Variants in A4GALT observed in about 807,000 individuals in gnomAD.
A4GALT encodes the protein alpha 1,4-galactosyltransferase (P1PK blood group).
For synonymous variants in A4GALT, 257 were observed against 220.7 expected (o/e 1.16, Z -1.46); for missense variants, 512 against 486.0 (o/e 1.05, Z -0.50).
intron 1 of A4GALT, among the ~76,000 whole-genome samples, chr22:42,707,263 A>T (rs912321809): frequency 1.3e-5 from 2 of 152,222 alleles, no homozygotes; most frequent in African/African-American, 2.4e-5. Context: ...AAAATATTTT[A>T]AAAATTTATG....
chr22:42,700,405 C>T (rs553362600), intron 1 of A4GALT, among the ~76,000 whole-genome samples: 1 of 152,310 alleles, frequency 6.6e-6, no homozygotes, highest in East Asian at 1.9e-4. Context: ...GGAGCAAAGC[C>T]ACGGTCGGGT....
At chr22:42,720,070 C>G (rs1321287438) in intron 1 of A4GALT, among the ~76,000 whole-genome samples, 2 of 152,294 alleles carry the variant, frequency 1.3e-5, no homozygotes, top group African/African-American at 4.8e-5. Flanking sequence ...ACCAGGTGCC[C>G]CGGCAGATCC....
chr22:42,698,584 C>T (rs1346630961), intron 1 of A4GALT, among the ~76,000 whole-genome samples: 1 of 152,202 alleles, frequency 6.6e-6, no homozygotes, highest in African/African-American at 2.4e-5. Flanking sequence ...AGAGAGGCTC[C>T]CAGAGCACCA....
In A4GALT at chr22:42,693,219, T is replaced by A; in HGVS notation, c.733A>T (p.Ile245Phe). Residue 245 changes from isoleucine (I) to phenylalanine (F), a missense_variant, in exon 3 of 3, where the codon ATC becomes TTC. Transcript: ENST00000642412. ...RDFVDHYNGW[I>F]WGHQGPQLLT... ...AGCTGCGGGCCCTGGTGACCCCAGA[T>A]CCAGCCGTTGTAGTGGTCCACGAAG... The A allele has an allele frequency of 1.2e-6, 2 of 1,607,158 alleles. No homozygotes were observed. The highest frequency in any genetic ancestry group is 1.7e-6 in the Non-Finnish European group (2 of 1,177,620).
intron 1 of A4GALT, among the ~76,000 whole-genome samples, chr22:42,710,010 A>G (rs954570115): frequency 6.6e-6 from 1 of 152,168 alleles, no homozygotes; most frequent in African/African-American, 2.4e-5. Context: ...CTTCCTTAAC[A>G]AAATTATATA....
Position 42,693,843 on chromosome 22 carries a change from T to C in A4GALT, c.109A>G (p.Met37Val), listed in dbSNP as rs11541159. Residue 37 changes from methionine (M) to valine (V), a missense_variant, in exon 3 of 3, where the codon ATG (methionine) becomes GTG (valine). Coordinates refer to ENST00000642412, the MANE Select transcript of A4GALT (RefSeq NM_017436.7). The part of the protein sequence containing the change: ...GFKFTFFVSI[M>V]IYWHVVGEPK... ...TCTCCCACAACGTGCCAGTAGATCATGATGGAGACGAAAAACGTGAACTTG... is the reference window on the plus strand; with the variant it reads ...TCTCCCACAACGTGCCAGTAGATCACGATGGAGACGAAAAACGTGAACTTG... 0.36 allele frequency: 581,152 copies of C among 1,607,986 alleles called. 107,592 individuals carry two copies. The highest frequency in any genetic ancestry group is 0.48 in the African/African-American group (36,286 of 74,894).
At chr22:42,719,062 C>T (rs1191038195) in intron 1 of A4GALT, among the ~76,000 whole-genome samples, 2 of 152,302 alleles carry the variant, frequency 1.3e-5, no homozygotes, top group East Asian at 3.9e-4. Flanking sequence ...TCCTGGTGTT[C>T]CACACAAACC....
At chr22:42,711,373 G>C (rs1921678745) in intron 1 of A4GALT, among the ~76,000 whole-genome samples, 2 of 152,210 alleles carry the variant, frequency 1.3e-5, no homozygotes, top group South Asian at 4.1e-4. Flanking sequence ...ACAGTGCTCA[G>C]CCGCAATTTA....
At chr22:42,694,102 C>T in intron 2 of A4GALT, 105 bp from the exon 3 acceptor site, 1 of 731,374 alleles carries the variant, frequency 1.4e-6, no homozygotes, top group Non-Finnish European at 2.2e-6. Flanking sequence ...GGCTTCCAAG[C>T]CCATGGGCTC....
intron 1 of A4GALT, among the ~76,000 whole-genome samples, chr22:42,719,713 C>T (rs1922521701): frequency 6.6e-6 from 1 of 152,058 alleles, no homozygotes; most frequent in Non-Finnish European, 1.5e-5. Flanking sequence ...CTCCCTCATT[C>T]TTTGGGAGGA....
At chr22:42,704,072 ACCAAGTGTCCTGTTC>A (rs1920950735) in intron 1 of A4GALT, among the ~76,000 whole-genome samples, 1 of 152,134 alleles carries the variant, frequency 6.6e-6, no homozygotes. Context: ...TGCTTGGAGG[ACCAAGTGTCCTGTTC>A]CCCATCCCTA....
In A4GALT at chr22:42,692,917, C is replaced by G. The variant is rs764634112; in HGVS notation, c.1035G>C (p.Thr345=). 6.2e-7 allele frequency: 1 copy of G among 1,606,168 alleles called. No homozygotes were observed. Among genetic ancestry groups the G allele is most frequent in the Non-Finnish European group, 8.5e-7 (1 of 1,179,844 alleles). ...AQLHARYCPT[T]HEAMKMYL ...ACAAGTACATTTTCATGGCCTCGTG[C>G]GTCGTGGGGCAGTAGCGGGCATGCA... Residue 345 remains threonine, a synonymous_variant, in exon 3 of 3, where the codon ACG becomes ACC. Coordinates refer to ENST00000642412, the MANE Select transcript of A4GALT (RefSeq NM_017436.7). This position sits in a 1 kb window ranked among gnomAD's most constrained non-coding sequence, Gnocchi z 4.6.
intron 1 of A4GALT, among the ~76,000 whole-genome samples, chr22:42,708,847 AAAT>A (rs1163716333): frequency 2.0e-5 from 3 of 151,976 alleles, no homozygotes; most frequent in African/African-American, 7.2e-5. Flanking sequence ...TTCTGGACAA[AAAT>A]AATAAATCAA....
intron 1 of A4GALT, among the ~76,000 whole-genome samples, chr22:42,700,845 C>T (rs1048608808): frequency 2.0e-5 from 3 of 152,328 alleles, no homozygotes; most frequent in East Asian, 3.9e-4. Context: ...GCCTTTCCTC[C>T]GGCAGGGGAA....
rs907180485 is a variant in A4GALT, at chr22:42,693,947, G to A, written c.5C>T (p.Ser2Phe). 1.9e-6 allele frequency: 3 copies of A among 1,580,936 alleles called. No homozygotes were observed. The highest frequency in any genetic ancestry group is 2.6e-6 in the Non-Finnish European group (3 of 1,163,856). The change falls in exon 3 of 3, where the codon TCC becomes TTC. Residue 2 changes from serine to phenylalanine, a missense_variant. Physicochemically the swap from Ser to Phe is radical, Grantham distance 155. Coordinates refer to ENST00000642412, the MANE Select transcript of A4GALT (RefSeq NM_017436.7). M[S>F]KPPDLLLRLL... Reference sequence around the variant, plus strand: ...CCGCAGCAGGAGGTCGGGGGGCTTGGACATGGTATCCCCAGATCAGACCAG... The same window carrying A: ...CCGCAGCAGGAGGTCGGGGGGCTTGAACATGGTATCCCCAGATCAGACCAG...
intron 1 of A4GALT, among the ~76,000 whole-genome samples, chr22:42,705,398 C>T (rs138221295): frequency 2.0e-5 from 3 of 151,530 alleles, no homozygotes; most frequent in South Asian, 2.1e-4. Flanking sequence ...GTCGGGAGTT[C>T]GAGACCAGCC....
At chr22:42,713,271 G>A (rs1028256614) in intron 1 of A4GALT, among the ~76,000 whole-genome samples, 1 of 152,194 alleles carries the variant, frequency 6.6e-6, no homozygotes, top group African/African-American at 2.4e-5. Flanking sequence ...AGAAGACCAA[G>A]TCAGGAGGTG....
chr22:42,703,007 C>T (rs560854420), intron 1 of A4GALT, among the ~76,000 whole-genome samples: 1 of 114,992 alleles, frequency 8.7e-6, no homozygotes, highest in Admixed American at 7.3e-5. Flanking sequence ...CCGCTGGCCG[C>T]AGCACCTCTG....
chr22:42,720,832 G>A lies in A4GALT; in HGVS notation c.-223C>T, dbSNP rs1477194795. ...AGCGGCGGCGGGCGGCGGACAGCGG[G>A]GCCCCGGCGGGCGGGCGGCGCGGCG... is the stretch of plus-strand genomic sequence containing the variant. On this transcript the variant is annotated 5_prime_UTR_variant, in exon 1 of 3. Coordinates refer to ENST00000642412, the MANE Select transcript of A4GALT (RefSeq NM_017436.7). The A allele has an allele frequency of 1.0e-5, 1 of 97,184 alleles. No individual in the cohort carries two copies. The highest frequency in any genetic ancestry group is 2.7e-4 in the East Asian group (1 of 3,740). The allele number at this position is 97,184 out of a possible 1,614,324, so 6.0% of individuals were successfully genotyped here. A position where few individuals can be genotyped will look rare whatever the true frequency, so the allele number is the denominator to read the frequency against.
Sources: allele counts gnomAD v4.1 joint callset (sites outside exome capture counted in the v4.1 genomes callset), GRCh38; gene constraint gnomAD v4.1.1; non-coding constraint Gnocchi (gnomAD v3.1); transcripts MANE v1.5; gene names NCBI Gene and HGNC (gene_info 2026-07-23, HGNC 2026-07-21).